The following CNTN4 variants were observed in gnomAD, a reference collection of about 807,000 sequenced individuals.
The protein encoded by CNTN4 is contactin 4.
Under a neutral mutation model 122.5 loss-of-function variants are expected in CNTN4, and 77 were observed. That is an observed-to-expected ratio of 0.63 (90% CI 0.52 to 0.76). CNTN4 has a LOEUF of 0.76. Ranked by LOEUF, CNTN4 falls within the 30% of genes least tolerant of loss-of-function variation. CNTN4 has a pLI of 0.00. For synonymous variants in CNTN4, 512 were observed against 447.0 expected (o/e 1.15, Z -1.83); for missense variants, 1,256 against 1,259.1 (o/e 1.00, Z 0.04).
At chr3:2,653,300 C>A (rs898661570) in intron 4 of CNTN4, among the ~76,000 whole-genome samples, 4 of 152,070 alleles carry the variant, frequency 2.6e-5, no homozygotes, top group African/African-American at 9.7e-5. Context: ...TTTAAATTCT[C>A]TTTTAAACTA....
intron 4 of CNTN4, among the ~76,000 whole-genome samples, chr3:2,574,107 T>G (rs997639918): frequency 6.6e-6 from 1 of 152,090 alleles, no homozygotes. Context: ...TCCCAGCTAC[T>G]TGGGAGGCTA....
At chr3:2,418,048 A>G (rs1007153271) in intron 3 of CNTN4, among the ~76,000 whole-genome samples, 6 of 152,242 alleles carry the variant, frequency 3.9e-5, no homozygotes, top group Non-Finnish European at 7.3e-5. Context: ...ATATGATACT[A>G]TAATGATAGA....
At position 2,294,595 on chromosome 3, in the gene CNTN4, C is replaced by T. The variant is rs548292765; in HGVS notation, c.-144-44583C>T. Among the ~76,000 whole-genome samples the T allele has an allele frequency of 2.6e-5, 4 of 152,256 alleles. No individual in the cohort carries two copies. In the South Asian group the frequency reaches 6.2e-4, roughly 24 times the overall value. The stretch of plus-strand genomic sequence containing the variant: ...GCAGTGAGCCGAGATCGTGCCACTG[C>T]ACCACAGCCTGGGTGACAGTGAGAC... On this transcript the variant is annotated intron_variant, in intron 2 of 24. Transcript: ENST00000418658.
chr3:2,847,008 A>C (rs192125269), intron 7 of CNTN4, among the ~76,000 whole-genome samples: 70 of 152,254 alleles, frequency 4.6e-4, no homozygotes, highest in Middle Eastern at 3.4e-3. Flanking sequence ...AAATAAATAA[A>C]TAAATAAGTA....
chr3:2,516,038 T>C (rs1000260367), intron 3 of CNTN4, among the ~76,000 whole-genome samples: 7 of 152,128 alleles, frequency 4.6e-5, no homozygotes, highest in African/African-American at 1.7e-4. Context: ...GGTAGTGTTA[T>C]GACAGCTTTT....
At chr3:2,914,980 C>A (rs963687017) in intron 12 of CNTN4, among the ~76,000 whole-genome samples, 1 of 152,198 alleles carries the variant, frequency 6.6e-6, no homozygotes, top group Non-Finnish European at 1.5e-5. Flanking sequence ...ATACAATAAT[C>A]AGTTAATATA....
chr3:2,730,488 C>A (rs753816710), intron 4 of CNTN4, among the ~76,000 whole-genome samples: 1 of 152,100 alleles, frequency 6.6e-6, no homozygotes, highest in African/African-American at 2.4e-5. Context: ...TACTATGTTG[C>A]TTTCTATGAA....
chr3:2,704,089 G>T (rs950061948), intron 4 of CNTN4, among the ~76,000 whole-genome samples: 1 of 151,678 alleles, frequency 6.6e-6, no homozygotes, highest in Non-Finnish European at 1.5e-5. Context: ...TTGAGGTCAG[G>T]AGTTCAAGAT....
At position 2,908,243 on chromosome 3, in the gene CNTN4, T is replaced by C. The variant is rs181607375; in HGVS notation, c.1207+5238T>C. Among the ~76,000 whole-genome samples the C allele has an allele frequency of 2.6e-5, 4 of 152,366 alleles. No individual in the cohort carries two copies. The East Asian group carries it at 5.8e-4, about 22-fold the overall frequency. On this transcript the variant is annotated intron_variant, in intron 12 of 24. Transcript: ENST00000418658. ...AAAAAGTAAAGATAACTAAGTTAGG[T>C]ATTTTGTTGGTGAAAAAATAACTTT... is the stretch of plus-strand genomic sequence containing the variant.
At chr3:3,037,404 G>T (rs1318450746) in intron 18 of CNTN4, 76 bp downstream of exon 18, 1 of 1,572,700 alleles carries the variant, frequency 6.4e-7, no homozygotes, top group Admixed American at 1.7e-5. Flanking sequence ...AATTCTTGCT[G>T]CTCTTCAGCG....
intron 3 of CNTN4, among the ~76,000 whole-genome samples, chr3:2,436,054 AGTTT>A (rs968857555): frequency 2.0e-5 from 3 of 152,202 alleles, no homozygotes; most frequent in African/African-American, 7.2e-5. Flanking sequence ...GAATTGAATT[AGTTT>A]GAGTTGAATT....
chr3:2,178,555 T>A (rs972208458), intron 2 of CNTN4, among the ~76,000 whole-genome samples: 1 of 152,096 alleles, frequency 6.6e-6, no homozygotes, highest in African/African-American at 2.4e-5. Context: ...TGATTAAATA[T>A]TTATTTGAGG....
chr3:2,978,161 G>A (rs1182493047), intron 13 of CNTN4, among the ~76,000 whole-genome samples: 3 of 152,142 alleles, frequency 2.0e-5, no homozygotes, highest in Non-Finnish European at 1.5e-5. Flanking sequence ...AGTTTGTGGT[G>A]TGTTGCTATG....
intron 3 of CNTN4, among the ~76,000 whole-genome samples, chr3:2,495,806 C>T (rs2076438392): frequency 6.6e-6 from 1 of 152,184 alleles, no homozygotes. Flanking sequence ...CCAGTCCCTG[C>T]TGCCAAAAAG....
intron 2 of CNTN4, among the ~76,000 whole-genome samples, chr3:2,277,238 T>C (rs954983712): frequency 2.6e-5 from 4 of 152,234 alleles, no homozygotes; most frequent in Admixed American, 2.0e-4. Flanking sequence ...ATTTAATTGT[T>C]TCTCTTTTCT....
intron 3 of CNTN4, among the ~76,000 whole-genome samples, chr3:2,440,047 A>G (rs2048379389): frequency 6.6e-6 from 1 of 152,186 alleles, no homozygotes; most frequent in Non-Finnish European, 1.5e-5. Flanking sequence ...AGTGTTACAA[A>G]CCTGAAGAGC....
intron 4 of CNTN4, among the ~76,000 whole-genome samples, chr3:2,681,914 G>T (rs953455151): frequency 2.0e-5 from 3 of 152,092 alleles, no homozygotes. Context: ...TTTTGGAAAA[G>T]AATAAGATGA....
chr3:2,378,947 C>G (rs2150742179), intron 3 of CNTN4, among the ~76,000 whole-genome samples: 1 of 152,222 alleles, frequency 6.6e-6, no homozygotes, highest in South Asian at 2.1e-4. Context: ...GTTTCATAAT[C>G]TTTTCAATGT....
At chr3:2,402,334 A>C (rs1483438340) in intron 3 of CNTN4, among the ~76,000 whole-genome samples, 1 of 152,134 alleles carries the variant, frequency 6.6e-6, no homozygotes, top group Non-Finnish European at 1.5e-5. Context: ...TTTGGAAAGG[A>C]GATGTAGATT....
Sources: allele counts gnomAD v4.1 joint callset (sites outside exome capture counted in the v4.1 genomes callset), GRCh38; gene constraint gnomAD v4.1.1; transcripts MANE v1.5; gene names NCBI Gene and HGNC (gene_info 2026-07-23, HGNC 2026-07-21).